Variants in ANXA8 observed in about 807,000 individuals in gnomAD.
ANXA8 encodes the protein VAC-beta.
Under a neutral mutation model 26.8 loss-of-function variants are expected in ANXA8, and 9 were observed. The ratio of observed to expected loss-of-function variants is 0.34; its 90% CI spans 0.20 to 0.59. ANXA8 has a LOEUF of 0.59. Among genes scored for constraint, ANXA8 ranks in the 20% least tolerant of loss-of-function variants. The pLI, the probability that ANXA8 is intolerant of heterozygous loss-of-function variation, is 0.84. For synonymous variants in ANXA8, 39 were observed against 94.8 expected (o/e 0.41, Z 3.42); for missense variants, 83 against 238.5 (o/e 0.35, Z 4.29).
the ANXA8 span, among the ~76,000 whole-genome samples, chr10:47,723,947 T>C: frequency 8.1e-6 from 1 of 123,374 alleles, no homozygotes; most frequent in African/African-American, 3.0e-5. Context: ...AATCGTTGCA[T>C]CATTTTCTCT....
chr10:47,633,928 T>G, the ANXA8 span, among the ~76,000 whole-genome samples: 1 of 135,722 alleles, frequency 7.4e-6, no homozygotes, highest in Non-Finnish European at 1.5e-5. Context: ...CCGGTAAACA[T>G]AGAAGTTTGG....
the ANXA8 span, among the ~76,000 whole-genome samples, chr10:47,962,919 CT>C: frequency 9.7e-6 from 1 of 103,466 alleles, no homozygotes; most frequent in South Asian, 5.4e-4. Context: ...ACTGGAGCCC[CT>C]GCCTGGATGA....
the ANXA8 span, among the ~76,000 whole-genome samples, chr10:47,893,491 TCCTC>T: frequency 8.3e-6 from 1 of 121,014 alleles, no homozygotes; most frequent in South Asian, 3.0e-4. Context: ...CCAAGTGGTG[TCCTC>T]CAGTCAGTCC....
chr10:47,678,693 G>A, the ANXA8 span, among the ~76,000 whole-genome samples: 684 of 151,768 alleles, frequency 4.5e-3, 1 homozygote, highest in Non-Finnish European at 8.3e-3. Context: ...CCTAATACAT[G>A]TATAATTGGA....
chr10:47,718,122 A>C, the ANXA8 span, among the ~76,000 whole-genome samples: 1 of 152,276 alleles, frequency 6.6e-6, no homozygotes, highest in South Asian at 2.1e-4. Flanking sequence ...CCCATGTAAC[A>C]AACCTGCACA....
chr10:47,497,111 A>T, the ANXA8 span, among the ~76,000 whole-genome samples: 2 of 151,022 alleles, frequency 1.3e-5, no homozygotes, highest in Non-Finnish European at 2.9e-5. Flanking sequence ...ACCTGAGGTC[A>T]GGAGTTCAAA....
At chr10:47,603,241 G>GA in the ANXA8 span, among the ~76,000 whole-genome samples, 1 of 147,914 alleles carries the variant, frequency 6.8e-6, no homozygotes, top group African/African-American at 2.7e-5. Context: ...ACTGCTCTGA[G>GA]AAAAATAAAG....
At chr10:47,943,941 C>T in the ANXA8 span, among the ~76,000 whole-genome samples, 2 of 147,816 alleles carry the variant, frequency 1.4e-5, 1 homozygote, top group Non-Finnish European at 3.0e-5. Flanking sequence ...TGGAGGCCTC[C>T]CCGTGGAGCA....
chr10:47,675,304 G>T, the ANXA8 span, among the ~76,000 whole-genome samples: 3 of 148,638 alleles, frequency 2.0e-5, no homozygotes, highest in Non-Finnish European at 4.4e-5. Flanking sequence ...TCCTGCCCTT[G>T]CTTATCTGAA....
At chr10:47,775,139 G>A in the ANXA8 span, among the ~76,000 whole-genome samples, 7 of 151,286 alleles carry the variant, frequency 4.6e-5, no homozygotes, top group African/African-American at 7.3e-5. Flanking sequence ...TTGGGAGGCC[G>A]AGGTGGGCAG....
chr10:47,920,643 A>C, the ANXA8 span: 1 of 124,440 alleles, frequency 8.0e-6, no homozygotes, highest in Non-Finnish European at 1.7e-5. Context: ...AGACTTAAAG[A>C]ATATCTCGAA....
chr10:47,733,298 T>TC, the ANXA8 span, among the ~76,000 whole-genome samples: 407 of 60,108 alleles, frequency 6.8e-3, 37 homozygotes, highest in African/African-American at 0.018. Flanking sequence ...TTTCTTTCTT[T>TC]TTTTTCTTTC....
At chr10:47,668,129 C>G in the ANXA8 span, among the ~76,000 whole-genome samples, 13 of 149,990 alleles carry the variant, frequency 8.7e-5, no homozygotes, top group African/African-American at 2.7e-4. Context: ...TCTCTGTTTT[C>G]TCCTGTGGAT....
At chr10:47,681,030 C>G in the ANXA8 span, among the ~76,000 whole-genome samples, 2 of 150,718 alleles carry the variant, frequency 1.3e-5, no homozygotes, top group Admixed American at 1.3e-4. Context: ...TTCCTACATG[C>G]CAGTACTCCC....
the ANXA8 span, among the ~76,000 whole-genome samples, chr10:47,665,286 T>G: frequency 6.7e-6 from 1 of 149,838 alleles, no homozygotes; most frequent in South Asian, 2.1e-4. Flanking sequence ...AAACTCAACT[T>G]CATGATTTAT....
the ANXA8 span, among the ~76,000 whole-genome samples, chr10:47,968,649 T>C: frequency 2.0e-5 from 3 of 148,436 alleles, no homozygotes; most frequent in Admixed American, 2.0e-4. Flanking sequence ...TAGCCATCTC[T>C]TGCTTTGACA....
chr10:47,751,349 T>C, the ANXA8 span: 20 of 104,056 alleles, frequency 1.9e-4, no homozygotes, highest in Admixed American at 3.4e-4. Context: ...TTTACTTCTT[T>C]CTTTATGATC....
chr10:47,636,643 CT>C, the ANXA8 span, among the ~76,000 whole-genome samples: 1 of 149,416 alleles, frequency 6.7e-6, no homozygotes, highest in Non-Finnish European at 1.5e-5. Context: ...TTCTTGTGTT[CT>C]TTTTTAATGG....
At chr10:47,595,324 C>G in the ANXA8 span, among the ~76,000 whole-genome samples, 1 of 145,830 alleles carries the variant, frequency 6.9e-6, no homozygotes, top group Non-Finnish European at 1.5e-5. Context: ...AGTACATAGT[C>G]CACAGACTCT....
Sources: allele counts gnomAD v4.1 joint callset (sites outside exome capture counted in the v4.1 genomes callset), GRCh38; gene constraint gnomAD v4.1.1; transcripts MANE v1.5; gene names NCBI Gene and HGNC (gene_info 2026-07-23, HGNC 2026-07-21).